The following GALNT17 variants were observed in gnomAD, a reference collection of about 807,000 sequenced individuals.
The protein encoded by GALNT17 is UDP-GalNAc:polypeptide N-acetylgalactosaminyltransferase-like 3.
GALNT17 carries 29 observed loss-of-function variants against 63.7 expected under a neutral mutation model. That is an observed-to-expected ratio of 0.46 (90% CI 0.34 to 0.62). The LOEUF (loss-of-function observed/expected upper bound fraction) is 0.62, where lower values mean the gene tolerates loss of function less well. Ranked by LOEUF, GALNT17 falls within the 20% of genes least tolerant of loss-of-function variation. The probability of loss-of-function intolerance (pLI) is 0.01; values close to 1 mark genes in which losing one functional copy is unlikely to be tolerated. For missense variants in GALNT17, 603 were observed against 799.6 expected, an observed-to-expected ratio of 0.75 and a Z score of 2.97; for synonymous variants, 305 against 318.3, an observed-to-expected ratio of 0.96 and a Z score of 0.45.
chr7:71,654,573 C>T (rs1031445738), intron 6 of GALNT17, among the ~76,000 whole-genome samples: 1 of 152,194 alleles, frequency 6.6e-6, no homozygotes. Context: ...TATATCAGTG[C>T]TCTCAAATTA....
chr7:71,294,748 A>G (rs1791047146), intron 1 of GALNT17, among the ~76,000 whole-genome samples: 1 of 152,090 alleles, frequency 6.6e-6, no homozygotes, highest in Non-Finnish European at 1.5e-5. Flanking sequence ...TTATACAGAC[A>G]TCTATTAGTT....
intron 1 of GALNT17, chr7:71,300,648 T>A (rs148524442): frequency 2.3e-4 from 51 of 221,964 alleles, no homozygotes; most frequent in African/African-American, 1.1e-3. Context: ...ATCAACATGC[T>A]GCTAGGAAAA....
chr7:71,406,455 G>A (rs1028349386), intron 3 of GALNT17, among the ~76,000 whole-genome samples: 5 of 152,012 alleles, frequency 3.3e-5, no homozygotes, highest in African/African-American at 1.2e-4. Flanking sequence ...GCCTCAAATT[G>A]TGTAAATTTC....
chr7:71,668,516 CA>C (rs56329930), intron 7 of GALNT17, among the ~76,000 whole-genome samples: 13 of 62,960 alleles, frequency 2.1e-4, no homozygotes, highest in Non-Finnish European at 3.0e-4. Context: ...GACACCATCT[CA>C]AAAAAAAAAA....
At chr7:71,268,076 A>G (rs1051373064) in intron 1 of GALNT17, among the ~76,000 whole-genome samples, 1 of 152,178 alleles carries the variant, frequency 6.6e-6, no homozygotes, top group South Asian at 2.1e-4. Flanking sequence ...TGGAGGACCT[A>G]CCAAGGGATT....
Position 71,425,768 on chromosome 7 carries a change from T to C in GALNT17, c.962+4663T>C, listed in dbSNP as rs115105494. Among the ~76,000 whole-genome samples the C allele has an allele frequency of 6.5e-3, 996 of 152,230 alleles. 14 individuals carry two copies. Among genetic ancestry groups the C allele is most frequent in the African/African-American group, 0.023 (951 of 41,540 alleles). On this transcript the variant is annotated intron_variant, in intron 5 of 10. Transcript: ENST00000333538. ...GGCAGTGGGCACCTGTGGTATGTAT[T>C]GTGGGTGCCATGGAGGATGTATTAG... is the stretch of plus-strand genomic sequence containing the variant.
chr7:71,511,250 G>A (rs909361703), intron 5 of GALNT17, among the ~76,000 whole-genome samples: 3 of 152,122 alleles, frequency 2.0e-5, no homozygotes, highest in Non-Finnish European at 2.9e-5. Flanking sequence ...GGGTTCGAAT[G>A]CACAGACAAG....
At chr7:71,278,205 G>T (rs1003545045) in intron 1 of GALNT17, among the ~76,000 whole-genome samples, 1 of 152,174 alleles carries the variant, frequency 6.6e-6, no homozygotes, top group Non-Finnish European at 1.5e-5. Flanking sequence ...TTTGTTAGTA[G>T]CCTTCTTTAC....
intron 8 of GALNT17, among the ~76,000 whole-genome samples, chr7:71,672,484 C>T (rs1476129261): frequency 6.6e-6 from 1 of 152,114 alleles, no homozygotes; most frequent in Non-Finnish European, 1.5e-5. Flanking sequence ...AAATAATACA[C>T]CAAACTGAAA....
chr7:71,192,701 T>A (rs972388913), intron 1 of GALNT17, among the ~76,000 whole-genome samples: 1 of 152,114 alleles, frequency 6.6e-6, no homozygotes, highest in Non-Finnish European at 1.5e-5. Context: ...CAGCCCTATA[T>A]TTAACTCTTA....
chr7:71,472,761 C>G (rs752575304), intron 5 of GALNT17, among the ~76,000 whole-genome samples: 1 of 152,142 alleles, frequency 6.6e-6, no homozygotes, highest in Non-Finnish European at 1.5e-5. Flanking sequence ...CATATTATAA[C>G]AGTGTTGCAC....
chr7:71,175,774 G>A (rs1377694832), intron 1 of GALNT17, among the ~76,000 whole-genome samples: 1 of 152,110 alleles, frequency 6.6e-6, no homozygotes, highest in Non-Finnish European at 1.5e-5. Flanking sequence ...GGTGGTGCAC[G>A]CCTGTAGTCC....
intron 5 of GALNT17, among the ~76,000 whole-genome samples, chr7:71,534,979 C>T (rs1020730896): frequency 6.6e-6 from 1 of 152,144 alleles, no homozygotes; most frequent in Admixed American, 6.6e-5. Context: ...CTGGGAGTTT[C>T]AGGGTCTTAA....
chr7:71,224,704 T>G (rs1400977722), intron 1 of GALNT17, among the ~76,000 whole-genome samples: 1 of 152,142 alleles, frequency 6.6e-6, no homozygotes, highest in Non-Finnish European at 1.5e-5. Flanking sequence ...GATGGTGATG[T>G]GTTCTGAAAC....
intron 8 of GALNT17, among the ~76,000 whole-genome samples, chr7:71,675,276 G>A (rs1261561367): frequency 2.0e-5 from 3 of 152,174 alleles, no homozygotes; most frequent in African/African-American, 7.2e-5. Context: ...CAGGGACTAT[G>A]TTATTTATCT....
intron 3 of GALNT17, among the ~76,000 whole-genome samples, chr7:71,403,767 G>C (rs1028417593): frequency 1.3e-5 from 2 of 152,140 alleles, no homozygotes; most frequent in African/African-American, 2.4e-5. Context: ...AAGAAAACTC[G>C]AGGAAGAAGT....
intron 5 of GALNT17, among the ~76,000 whole-genome samples, chr7:71,518,406 C>T (rs1179117334): frequency 2.6e-5 from 4 of 152,194 alleles, no homozygotes; most frequent in Non-Finnish European, 5.9e-5. Context: ...CCAAGGAACT[C>T]TGGATGGCTG....
intron 1 of GALNT17, among the ~76,000 whole-genome samples, chr7:71,216,611 CACAG>C (rs994228780): frequency 4.9e-5 from 6 of 123,280 alleles, no homozygotes; most frequent in African/African-American, 1.9e-4. Context: ...CACACATACA[CACAG>C]ACACACACAC....
At chr7:71,300,041 G>A (rs892188436) in intron 1 of GALNT17, among the ~76,000 whole-genome samples, 6 of 152,130 alleles carry the variant, frequency 3.9e-5, no homozygotes, top group African/African-American at 9.7e-5. Context: ...GCCTCCCAAA[G>A]TGCTGGGATC....
Sources: gnomAD v4.1 joint callset for allele counts (sites outside exome capture counted in the v4.1 genomes callset) on GRCh38, gnomAD v4.1.1 for gene constraint, MANE v1.5 for transcripts, NCBI Gene and HGNC (gene_info 2026-07-23, HGNC 2026-07-21) for gene names.